SAMHD1: variants seen among roughly 807,000 people sequenced by gnomAD.
SAMHD1 encodes the protein deoxynucleoside triphosphate triphosphohydrolase SAMHD1.
SAMHD1 carries 54 observed loss-of-function variants against 79.6 expected under a neutral mutation model. That is an observed-to-expected ratio of 0.68 (90% CI 0.55 to 0.85). The LOEUF is 0.85. Among genes scored for constraint, SAMHD1 ranks in the 40% least tolerant of loss-of-function variants. The probability of loss-of-function intolerance (pLI) is 0.00; values close to 1 mark genes in which losing one functional copy is unlikely to be tolerated. For missense variants in SAMHD1, 663 were observed against 782.7 expected (o/e 0.85, Z 1.82); for synonymous variants, 260 against 264.1 (o/e 0.98, Z 0.15).
At chr20:36,910,102 A>T (rs1278397343) in intron 11 of SAMHD1, among the ~76,000 whole-genome samples, 1 of 151,902 alleles carries the variant, frequency 6.6e-6, no homozygotes, top group Non-Finnish European at 1.5e-5. Context: ...GGGCGCCTGT[A>T]GTCCCAGCTA....
At chr20:36,900,195 G>A (rs1990276412) in intron 13 of SAMHD1, among the ~76,000 whole-genome samples, 4 of 152,160 alleles carry the variant, frequency 2.6e-5, no homozygotes, top group Admixed American at 2.6e-4. Context: ...GATAGGAGGA[G>A]TAAGTTCTAG....
chr20:36,950,049 C>A (rs555492330), intron 1 of SAMHD1, among the ~76,000 whole-genome samples: 17 of 152,066 alleles, frequency 1.1e-4, no homozygotes, highest in African/African-American at 4.1e-4. Context: ...AAAGTTTGGT[C>A]AAGACAAAGC....
chr20:36,932,439 C>T (rs181122074), intron 4 of SAMHD1, among the ~76,000 whole-genome samples: 104 of 141,370 alleles, frequency 7.4e-4, no homozygotes, highest in African/African-American at 2.5e-3. Flanking sequence ...TTGTTTAATA[C>T]GTATACAGTT....
chr20:36,896,884 T>TGGACA (rs11086825), intron 15 of SAMHD1, among the ~76,000 whole-genome samples: 117,585 of 151,366 alleles, frequency 0.78, 46,406 homozygotes, highest in Middle Eastern at 0.89. Context: ...TTTTCTACCC[T>TGGACA]GACAGGTCTC....
At chr20:36,950,035 G>A (rs2063723186) in intron 1 of SAMHD1, among the ~76,000 whole-genome samples, 1 of 152,036 alleles carries the variant, frequency 6.6e-6, no homozygotes, top group African/African-American at 2.4e-5. Flanking sequence ...AGAGAAGTCC[G>A]AATAAAGTTT....
At chr20:36,947,496 T>A (rs1213538554) in intron 1 of SAMHD1, among the ~76,000 whole-genome samples, 1 of 139,410 alleles carries the variant, frequency 7.2e-6, no homozygotes, top group East Asian at 2.1e-4. Context: ...TGTGTGAGTG[T>A]GTGTGTGTGT....
chr20:36,908,653 AG>A (rs2063419271), intron 11 of SAMHD1, among the ~76,000 whole-genome samples: 1 of 152,174 alleles, frequency 6.6e-6, no homozygotes, highest in African/African-American at 2.4e-5. Context: ...TCATTTTTCT[AG>A]TAATTCATTT....
intron 2 of SAMHD1, among the ~76,000 whole-genome samples, chr20:36,945,888 A>G (rs544165989): frequency 6.6e-6 from 1 of 152,178 alleles, no homozygotes; most frequent in South Asian, 2.1e-4. Flanking sequence ...TGGGTGACAG[A>G]GTGAGACTCT....
intron 15 of SAMHD1, among the ~76,000 whole-genome samples, chr20:36,896,621 G>C (rs929553675): frequency 6.6e-6 from 1 of 151,968 alleles, no homozygotes; most frequent in African/African-American, 2.4e-5. Context: ...CGGATCACGA[G>C]GTCAGGAGAT....
chr20:36,931,912 T>C (rs1314125305), intron 4 of SAMHD1, among the ~76,000 whole-genome samples: 1 of 152,016 alleles, frequency 6.6e-6, no homozygotes, highest in Non-Finnish European at 1.5e-5. Context: ...CTAAGTGAAA[T>C]AAGCCAGTGA....
Position 36,912,522 on chromosome 20 carries a change from T to G in SAMHD1, c.1093A>C (p.Thr365Pro), listed in dbSNP as rs1478441405. 19 of 1,613,152 alleles carry G rather than the reference T, an allele frequency of 1.2e-5. No individual in the cohort carries two copies. Among genetic ancestry groups the G allele is most frequent in the Non-Finnish European group, 1.6e-5 (19 of 1,179,252 alleles). ...EVGNLYDMFH[T>P]RNSLHRRAYQ... ...GCTCTACGGTGTAAAGAGTTGCGAG[T>G]GTGGAACATGTCATACAGATTTCCA... The change falls in exon 10 of 16, where the codon ACT (threonine) becomes CCT (proline). Residue 365 changes from threonine to proline, a missense_variant. Transcript: ENST00000646673.
chr20:36,907,665 G>C (rs6102729), intron 11 of SAMHD1, among the ~76,000 whole-genome samples: 4 of 147,764 alleles, frequency 2.7e-5, no homozygotes, highest in Non-Finnish European at 6.0e-5. Context: ...TCAGCCTCCA[G>C]AGTAGCTGGG....
intron 1 of SAMHD1, among the ~76,000 whole-genome samples, chr20:36,947,549 GGGGTGTGTGTGTGTGTGT>G (rs1398237286): frequency 4.9e-5 from 3 of 60,788 alleles, no homozygotes; most frequent in African/African-American, 1.7e-4. Flanking sequence ...ATTTGGAAGA[GGGGTGTGTGTGTGTGTGT>G]GTGTGTGTGT....
chr20:36,939,473 G>A (rs193132011), intron 3 of SAMHD1, among the ~76,000 whole-genome samples: 5 of 151,864 alleles, frequency 3.3e-5, no homozygotes, highest in Non-Finnish European at 5.9e-5. Flanking sequence ...GTGTGCACCT[G>A]TAGTCCCAGC....
chr20:36,906,580 G>T (rs974571144), intron 11 of SAMHD1, among the ~76,000 whole-genome samples: 1 of 152,222 alleles, frequency 6.6e-6, no homozygotes, highest in East Asian at 1.9e-4. Context: ...TTGAAGCTAA[G>T]TGACAGGTAC....
At chr20:36,910,430 T>C (rs2063431191) in intron 11 of SAMHD1, among the ~76,000 whole-genome samples, 1 of 151,534 alleles carries the variant, frequency 6.6e-6, no homozygotes, top group South Asian at 2.1e-4. Flanking sequence ...AAAAATTAAA[T>C]TTAAAAGTTA....
chr20:36,919,225 T>C, intron 7 of SAMHD1, 139 bp downstream of exon 7: 1 of 757,932 alleles, frequency 1.3e-6, no homozygotes, highest in Non-Finnish European at 2.1e-6. Flanking sequence ...TTTTATTTTT[T>C]GCATTAAACA....
intron 4 of SAMHD1, among the ~76,000 whole-genome samples, chr20:36,931,651 C>CAA (rs1223023001): frequency 2.6e-5 from 4 of 151,256 alleles, no homozygotes; most frequent in Admixed American, 1.3e-4. Flanking sequence ...ACCCTCCCCC[C>CAA]AAAAAAAGAA....
At chr20:36,925,325 C>G (rs904428341) in intron 6 of SAMHD1, among the ~76,000 whole-genome samples, 3 of 152,176 alleles carry the variant, frequency 2.0e-5, no homozygotes, top group Admixed American at 6.5e-5. Flanking sequence ...ACTATAAGCT[C>G]TGGACAACTC....
Sources: gnomAD v4.1 joint callset for allele counts (sites outside exome capture counted in the v4.1 genomes callset) on GRCh38, gnomAD v4.1.1 for gene constraint, MANE v1.5 for transcripts, NCBI Gene and HGNC (gene_info 2026-07-23, HGNC 2026-07-21) for gene names.